CPPED1: variants seen among roughly 807,000 people sequenced by gnomAD.
CPPED1 encodes calcineurin like phosphoesterase domain containing 1.
In CPPED1, 28 loss-of-function variants were observed where a neutral mutation model predicts 28.0. The ratio of observed to expected loss-of-function variants is 1.00; its 90% CI spans 0.74 to 1.37. CPPED1 has a LOEUF of 1.37. Ranked by LOEUF, CPPED1 falls within the 40% of genes most tolerant of loss-of-function variation. The pLI is 0.00. For missense variants in CPPED1, 504 were observed against 416.5 expected, an observed-to-expected ratio of 1.21 and a Z score of -1.83; for synonymous variants, 198 against 180.2, an observed-to-expected ratio of 1.10 and a Z score of -0.79.
intron 2 of CPPED1, among the ~76,000 whole-genome samples, chr16:12,706,616 G>A (rs1360242339): frequency 2.0e-5 from 3 of 148,258 alleles, no homozygotes; most frequent in African/African-American, 7.5e-5. Flanking sequence ...GCTTAAAGAA[G>A]ATTGAGGAAG....
intron 2 of CPPED1, among the ~76,000 whole-genome samples, chr16:12,754,676 C>T (rs531123923): frequency 8.3e-6 from 1 of 120,586 alleles, no homozygotes; most frequent in Non-Finnish European, 1.9e-5. Context: ...TTCTTTGGCC[C>T]CACAATGGAC....
In CPPED1 at chr16:12,740,025, G is replaced by GAAAGAAAAGA. The variant is rs143957219; in HGVS notation, c.290-34986_290-34977dup. On this transcript the variant is annotated intron_variant, in intron 2 of 3. Coordinates refer to ENST00000381774, the MANE Select transcript of CPPED1 (RefSeq NM_018340.3). ...TTATTATGTGGAAAGAAAGACGAAA[G>GAAAGAAAAGA]AAAGAAAAGAAAAGAAAAGAAAAGA... Among the ~76,000 whole-genome samples, 675 of 128,630 alleles carry GAAAGAAAAGA rather than the reference G, an allele frequency of 5.2e-3. 6 individuals are homozygous for GAAAGAAAAGA. Among genetic ancestry groups the GAAAGAAAAGA allele is most frequent in the African/African-American group, 0.018 (627 of 35,616 alleles). The allele number at this position is 128,630 out of a possible 152,430, so 84.4% of individuals were successfully genotyped here.
At chr16:12,696,936 C>G (rs1415634687) in intron 3 of CPPED1, among the ~76,000 whole-genome samples, 1 of 152,136 alleles carries the variant, frequency 6.6e-6, no homozygotes, top group Non-Finnish European at 1.5e-5. Context: ...GCCCACCGGC[C>G]CAGACGCTAA....
chr16:12,757,205 A>G (rs922713071), intron 2 of CPPED1, among the ~76,000 whole-genome samples: 1 of 152,202 alleles, frequency 6.6e-6, no homozygotes, highest in African/African-American at 2.4e-5. Flanking sequence ...ACAAAGTTAT[A>G]GCCCAGGGCT....
chr16:12,732,144 G>A (rs550484883), intron 2 of CPPED1, among the ~76,000 whole-genome samples: 54 of 146,402 alleles, frequency 3.7e-4, no homozygotes, highest in Middle Eastern at 3.6e-3. Flanking sequence ...CGTGAAACCC[G>A]TCAAAAAAAA....
At chr16:12,673,892 T>C (rs1462293645) in intron 3 of CPPED1, among the ~76,000 whole-genome samples, 1 of 151,686 alleles carries the variant, frequency 6.6e-6, no homozygotes, top group Non-Finnish European at 1.5e-5. Context: ...ACAAAAAAAT[T>C]TATCAAATCA....
intron 3 of CPPED1, among the ~76,000 whole-genome samples, chr16:12,689,710 G>A (rs1180433159): frequency 6.6e-6 from 1 of 152,080 alleles, no homozygotes; most frequent in Admixed American, 6.6e-5. Context: ...CGGCAAATAA[G>A]GCTCTCACAG....
Position 12,751,819 on chromosome 16 carries a change from G to GT in CPPED1, c.289+29365dup, listed in dbSNP as rs1326479547. ...TATTAATCTTTAGACTATTTTTGGT[G>GT]TTTTTTTATGCTTTTCAGTTTTTCT... On this transcript the variant is annotated intron_variant, in intron 2 of 3. Coordinates refer to ENST00000381774, the MANE Select transcript of CPPED1 (RefSeq NM_018340.3). Among the ~76,000 whole-genome samples, 7 of 152,184 alleles carry GT rather than the reference G, an allele frequency of 4.6e-5. No individual in the cohort carries two copies. In the East Asian group the frequency reaches 5.8e-4, roughly 13 times the overall value.
In CPPED1 at chr16:12,759,071, C is replaced by G. The variant is rs775367142; in HGVS notation, c.289+22114G>C. 1.4e-5 allele frequency among the ~76,000 whole-genome samples: 2 copies of G among 144,020 alleles called. 1 individual carries two copies. Among genetic ancestry groups the G allele is most frequent in the Non-Finnish European group, 3.0e-5 (2 of 67,114 alleles). 94.5% of individuals were successfully genotyped at this position (144,020 alleles called of 152,430 possible). On this transcript the variant is annotated intron_variant, in intron 2 of 3. Transcript: ENST00000381774. The stretch of plus-strand genomic sequence containing the variant: ...CCAGCTACTCAGGGGGCTAGGGTAG[C>G]AGGATCACTTGAGCCCAAGAAGTAG...
intron 2 of CPPED1, among the ~76,000 whole-genome samples, chr16:12,719,174 A>C (rs1289491327): frequency 1.3e-5 from 2 of 152,012 alleles, no homozygotes; most frequent in African/African-American, 4.8e-5. Flanking sequence ...GGCGGATCAC[A>C]AGGTCAGGAG....
rs113490530 is a variant in CPPED1, at chr16:12,738,061, C to T, written c.290-33012G>A. ...GGGCCTGTTGGCAGATGCGTCGTGG[C>T]TTGGATTATTCTTTCTTTAGAAAAT... On this transcript the variant is annotated intron_variant, in intron 2 of 3. Coordinates refer to ENST00000381774, the MANE Select transcript of CPPED1 (RefSeq NM_018340.3). 6.7e-3 allele frequency among the ~76,000 whole-genome samples: 1,022 copies of T among 152,258 alleles called. 6 individuals carry two copies. Among genetic ancestry groups the T allele is most frequent in the Middle Eastern group, 0.034 (10 of 294 alleles).
chr16:12,715,432 G>A (rs1172911954), intron 2 of CPPED1, among the ~76,000 whole-genome samples: 1 of 152,070 alleles, frequency 6.6e-6, no homozygotes, highest in Non-Finnish European at 1.5e-5. Flanking sequence ...GGCTGAGGTG[G>A]GCAGATCACT....
intron 2 of CPPED1, among the ~76,000 whole-genome samples, chr16:12,747,026 A>C: frequency 6.6e-6 from 1 of 151,956 alleles, no homozygotes; most frequent in Non-Finnish European, 1.5e-5. Flanking sequence ...ACTCTTTTGG[A>C]ATCCAGGCTT....
chr16:12,695,833 G>C (rs1045377163), intron 3 of CPPED1, among the ~76,000 whole-genome samples: 1 of 152,092 alleles, frequency 6.6e-6, no homozygotes, highest in Non-Finnish European at 1.5e-5. Flanking sequence ...CTCTATTCTG[G>C]TTCAGGGTCT....
intron 1 of CPPED1, among the ~76,000 whole-genome samples, chr16:12,793,307 C>T (rs9928245): frequency 0.26 from 38,784 of 152,054 alleles, 6,266 homozygotes; most frequent in African/African-American, 0.46. Flanking sequence ...GCTGTGGAGA[C>T]GCGCTCCAGG....
At chr16:12,697,145 C>A (rs1453232929) in intron 3 of CPPED1, among the ~76,000 whole-genome samples, 5 of 152,088 alleles carry the variant, frequency 3.3e-5, no homozygotes, top group African/African-American at 1.2e-4. Context: ...CTGCCTTAGC[C>A]TCCCAAGTAG....
chr16:12,711,998 G>C (rs2080082596), intron 2 of CPPED1, among the ~76,000 whole-genome samples: 1 of 152,110 alleles, frequency 6.6e-6, no homozygotes, highest in African/African-American at 2.4e-5. Context: ...CATTCTCAGG[G>C]AGCTTAGCCC....
intron 2 of CPPED1, among the ~76,000 whole-genome samples, chr16:12,773,202 G>C (rs993802832): frequency 3.3e-5 from 5 of 152,164 alleles, no homozygotes; most frequent in African/African-American, 4.8e-5. Flanking sequence ...CCGTTTTCCT[G>C]AACATCAAAG....
At chr16:12,754,947 G>T (rs989862828) in intron 2 of CPPED1, among the ~76,000 whole-genome samples, 2 of 152,194 alleles carry the variant, frequency 1.3e-5, no homozygotes, top group African/African-American at 4.8e-5. Flanking sequence ...GGAGTTAGAA[G>T]CTGTAGTGAG....
Sources: gnomAD v4.1 joint callset for allele counts (sites outside exome capture counted in the v4.1 genomes callset) on GRCh38, gnomAD v4.1.1 for gene constraint, MANE v1.5 for transcripts, NCBI Gene and HGNC (gene_info 2026-07-23, HGNC 2026-07-21) for gene names.